TMEM207: variants seen among roughly 807,000 people sequenced by gnomAD.
TMEM207 encodes the protein transmembrane protein 207.
A neutral mutation model predicts 17.4 loss-of-function variants in TMEM207; 15 were observed. The ratio of observed to expected loss-of-function variants is 0.86; its 90% CI spans 0.58 to 1.33. TMEM207 has a LOEUF of 1.33. TMEM207 is among the 40% of genes most tolerant of loss of function. The pLI is 0.00. For missense variants in TMEM207, 205 were observed against 173.8 expected (o/e 1.18, Z -1.01); for synonymous variants, 70 against 65.6 (o/e 1.07, Z -0.33).
intron 4 of TMEM207, among the ~76,000 whole-genome samples, chr3:190,430,968 A>T (rs996284891): frequency 6.6e-5 from 10 of 152,178 alleles, no homozygotes; most frequent in African/African-American, 2.2e-4. Flanking sequence ...ACTAGGATCC[A>T]TACGGAGATT....
chr3:190,437,976 T>C (rs889619652), intron 4 of TMEM207, among the ~76,000 whole-genome samples: 11 of 151,592 alleles, frequency 7.3e-5, no homozygotes, highest in Non-Finnish European at 1.0e-4. Context: ...GAAATCATCA[T>C]TCTCAGTAAA....
chr3:190,434,988 ACTG>A (rs1214081299), intron 4 of TMEM207, among the ~76,000 whole-genome samples: 1 of 152,208 alleles, frequency 6.6e-6, no homozygotes, highest in Non-Finnish European at 1.5e-5. Context: ...CTGATTTTAA[ACTG>A]TTTCTTCTCT....
rs1350679822 is a variant in TMEM207 at position 190,436,965 on chromosome 3, G to A, written c.304+3279C>T. Reference sequence around the variant, plus strand: ...ATCCTGAGCATTCCTGGGACAAGATGGAACATCGGCAGTGGGTGGAACAAC... The same window carrying A: ...ATCCTGAGCATTCCTGGGACAAGATAGAACATCGGCAGTGGGTGGAACAAC... On this transcript the variant is annotated intron_variant, in intron 4 of 4. Transcript: ENST00000354905. 6.6e-5 allele frequency among the ~76,000 whole-genome samples: 10 copies of A among 152,118 alleles called. No homozygotes were observed. In the South Asian group the frequency reaches 2.1e-3, roughly 32 times the overall value.
intron 1 of TMEM207, among the ~76,000 whole-genome samples, chr3:190,448,032 A>T (rs2108540256): frequency 6.6e-6 from 1 of 152,298 alleles, no homozygotes; most frequent in South Asian, 2.1e-4. Context: ...GTGGCAGAAG[A>T]TATATATTGT....
chr3:190,439,391 T>C (rs897435632), intron 4 of TMEM207, among the ~76,000 whole-genome samples: 11 of 152,170 alleles, frequency 7.2e-5, no homozygotes, highest in African/African-American at 2.7e-4. Flanking sequence ...GCTCCATCTA[T>C]TGTAAATTTC....
intron 4 of TMEM207, among the ~76,000 whole-genome samples, chr3:190,437,607 G>A (rs1218818459): frequency 6.6e-6 from 1 of 152,006 alleles, no homozygotes. Flanking sequence ...AACAGGTGCT[G>A]GAGAGGATGT....
chr3:190,444,318 G>T, intron 2 of TMEM207: 1 of 600,158 alleles, frequency 1.7e-6, no homozygotes, highest in Non-Finnish European at 2.1e-6. Flanking sequence ...AGTTAGCATA[G>T]CTGGAAGTGG....
At chr3:190,441,210 T>C (rs75669860) in intron 3 of TMEM207, among the ~76,000 whole-genome samples, 14,550 of 152,266 alleles carry the variant, frequency 0.096, 928 homozygotes, top group Non-Finnish European at 0.14. Flanking sequence ...CTGTTAAAGA[T>C]TTTCAACTCT....
At chr3:190,430,585 C>A (rs1430037010) in intron 4 of TMEM207, among the ~76,000 whole-genome samples, 2 of 151,632 alleles carry the variant, frequency 1.3e-5, no homozygotes, top group African/African-American at 4.8e-5. Flanking sequence ...TCTTTACTTA[C>A]CTTTGAATGA....
At chr3:190,440,166 T>C in intron 4 of TMEM207, 78 bp downstream of exon 4, 1 of 1,514,196 alleles carries the variant, frequency 6.6e-7, no homozygotes, top group East Asian at 2.3e-5. Flanking sequence ...CAGATCTGCT[T>C]TTGGGAGAAC....
At chr3:190,435,546 T>C (rs1038776147) in intron 4 of TMEM207, among the ~76,000 whole-genome samples, 7 of 152,182 alleles carry the variant, frequency 4.6e-5, no homozygotes, top group African/African-American at 1.7e-4. Flanking sequence ...TTTCCCTTTC[T>C]GAAGGGTAAA....
intron 4 of TMEM207, among the ~76,000 whole-genome samples, chr3:190,438,814 T>C (rs1402679642): frequency 6.6e-6 from 1 of 152,198 alleles, no homozygotes; most frequent in East Asian, 1.9e-4. Context: ...ATAACCCTGT[T>C]TCCCTCTATG....
intron 4 of TMEM207, among the ~76,000 whole-genome samples, chr3:190,432,681 C>T (rs1199107047): frequency 6.6e-6 from 1 of 152,108 alleles, no homozygotes; most frequent in Non-Finnish European, 1.5e-5. Flanking sequence ...AGAGCAGAGC[C>T]TGTAAGACCC....
At chr3:190,430,489 T>C (rs1719669265) in intron 4 of TMEM207, among the ~76,000 whole-genome samples, 2 of 151,134 alleles carry the variant, frequency 1.3e-5, no homozygotes, top group African/African-American at 4.8e-5. Context: ...ATCTTTATAT[T>C]AATATATGAC....
intron 2 of TMEM207, among the ~76,000 whole-genome samples, chr3:190,444,755 G>A (rs185814088): frequency 2.6e-5 from 4 of 152,174 alleles, no homozygotes; most frequent in Non-Finnish European, 5.9e-5. Flanking sequence ...CGAAACCAGA[G>A]AAAAATTCAA....
intron 4 of TMEM207, among the ~76,000 whole-genome samples, chr3:190,439,413 G>C (rs12106750): frequency 0.035 from 5,374 of 152,236 alleles, 231 homozygotes; most frequent in African/African-American, 0.099. Flanking sequence ...TGGTGGCCCA[G>C]TTTCTGAAAG....
chr3:190,440,611 A>G (rs151033889), intron 3 of TMEM207, among the ~76,000 whole-genome samples: 7 of 152,294 alleles, frequency 4.6e-5, no homozygotes, highest in South Asian at 2.1e-4. Context: ...GGTGGTAATA[A>G]TCATTTTCTC....
chr3:190,435,821 A>G (rs545564438), intron 4 of TMEM207, among the ~76,000 whole-genome samples: 121 of 152,352 alleles, frequency 7.9e-4, no homozygotes, highest in African/African-American at 2.9e-3. Flanking sequence ...CCTCTCCCAG[A>G]CAGGAAATTC....
intron 2 of TMEM207, 151 bp from the exon 3 acceptor site, chr3:190,441,633 C>T: frequency 1.6e-6 from 1 of 611,074 alleles, no homozygotes; most frequent in Non-Finnish European, 2.9e-6. Context: ...GCACCCAGCA[C>T]AATTATGCAA....
Sources: allele counts gnomAD v4.1 joint callset (sites outside exome capture counted in the v4.1 genomes callset), GRCh38; gene constraint gnomAD v4.1.1; transcripts MANE v1.5; gene names NCBI Gene and HGNC (gene_info 2026-07-23, HGNC 2026-07-21).